The following MYO18B variants were observed in gnomAD, a reference collection of about 807,000 sequenced individuals.
MYO18B encodes the protein myosin XVIIIB.
A neutral mutation model predicts 273.0 loss-of-function variants in MYO18B; 204 were observed. The ratio of observed to expected loss-of-function variants is 0.75; its 90% CI spans 0.67 to 0.84. The LOEUF is 0.84. MYO18B is among the 40% of genes least tolerant of loss of function. The probability of loss-of-function intolerance (pLI) is 0.00; values close to 1 mark genes in which losing one functional copy is unlikely to be tolerated. For missense variants in MYO18B, 3,212 were observed against 3,287.6 expected (o/e 0.98, Z 0.56); for synonymous variants, 1,330 against 1,305.7 (o/e 1.02, Z -0.40).
intron 25 of MYO18B, among the ~76,000 whole-genome samples, chr22:25,890,042 T>C (rs1339804937): frequency 6.6e-6 from 1 of 152,246 alleles, no homozygotes; most frequent in Non-Finnish European, 1.5e-5. Flanking sequence ...AACACCTATT[T>C]GGCAGCATTT....
chr22:25,855,526 C>T (rs375734455), intron 21 of MYO18B, among the ~76,000 whole-genome samples: 3 of 152,152 alleles, frequency 2.0e-5, no homozygotes, highest in Admixed American at 2.0e-4. Flanking sequence ...GTGATCCGCC[C>T]ACCTCGGCCT....
chr22:25,776,720 C>T (rs2086928934), intron 7 of MYO18B, among the ~76,000 whole-genome samples: 1 of 152,112 alleles, frequency 6.6e-6, no homozygotes, highest in Non-Finnish European at 1.5e-5. Flanking sequence ...GTCAATATAA[C>T]CAATGACATA....
At chr22:25,912,620 A>G (rs1334694619) in intron 33 of MYO18B, among the ~76,000 whole-genome samples, 1 of 152,226 alleles carries the variant, frequency 6.6e-6, no homozygotes, top group Non-Finnish European at 1.5e-5. Flanking sequence ...AGAACAAATA[A>G]TGTAATCGGT....
chr22:26,050,344 G>A, the MYO18B span, among the ~76,000 whole-genome samples: 4 of 152,220 alleles, frequency 2.6e-5, no homozygotes, highest in African/African-American at 9.6e-5. Flanking sequence ...GGACAAGGTA[G>A]TTTCCTTGGG....
At chr22:26,051,378 C>T in the MYO18B span, among the ~76,000 whole-genome samples, 1 of 151,990 alleles carries the variant, frequency 6.6e-6, no homozygotes. Flanking sequence ...CGCCCACCAC[C>T]GCGCCCGGCT....
intron 39 of MYO18B, among the ~76,000 whole-genome samples, chr22:25,990,611 C>T (rs12172625): frequency 0.17 from 23,670 of 140,100 alleles, 2,038 homozygotes; most frequent in Middle Eastern, 0.2. Flanking sequence ...TGCTTGGACC[C>T]GGGAGGTGGA....
intron 22 of MYO18B, among the ~76,000 whole-genome samples, chr22:25,873,787 G>A (rs2091113886): frequency 6.6e-6 from 1 of 152,182 alleles, no homozygotes; most frequent in Non-Finnish European, 1.5e-5. Flanking sequence ...TGCTGTGGGT[G>A]CTTACCCAAA....
At chr22:26,012,242 A>T (rs1056326198) in intron 42 of MYO18B, among the ~76,000 whole-genome samples, 1 of 152,274 alleles carries the variant, frequency 6.6e-6, no homozygotes, top group Non-Finnish European at 1.5e-5. Flanking sequence ...TTCATTAATT[A>T]TGGATATGTG....
chr22:25,895,484 T>C (rs1352643561), intron 28 of MYO18B: 2 of 564,154 alleles, frequency 3.5e-6, no homozygotes, highest in Non-Finnish European at 6.1e-6. Context: ...GTGGATCTTC[T>C]ATCCAGAGAC....
chr22:25,772,366 C>T lies in MYO18B; in HGVS notation c.1725C>T (p.Asp575=), dbSNP rs185388626. ...CTCCTGAGCTGGACCAGGTCGAGGA[C>T]CTGGCCTCTCTCATCAGTGTCAACG... ...ANPPELDQVE[D]LASLISVNES... Residue 575 remains aspartate (D), a synonymous_variant, in exon 7 of 44, where the codon GAC becomes GAT. Transcript: ENST00000335473. 1,251 of 1,613,922 alleles carry T rather than the reference C, an allele frequency of 7.8e-4. 2 individuals carry two copies. In the African/African-American group the frequency reaches 0.015, roughly 19 times the overall value.
At chr22:25,803,198 C>T (rs1048519738) in intron 12 of MYO18B, among the ~76,000 whole-genome samples, 7 of 149,942 alleles carry the variant, frequency 4.7e-5, no homozygotes, top group South Asian at 2.2e-4. Flanking sequence ...CTCCTGACCT[C>T]GTGATCCGCC....
chr22:25,818,118 C>G (rs1016106120), intron 12 of MYO18B, among the ~76,000 whole-genome samples: 1 of 152,218 alleles, frequency 6.6e-6, no homozygotes, highest in African/African-American at 2.4e-5. Context: ...CTCCTTGCCT[C>G]CTGGTGGGTG....
intron 29 of MYO18B, 140 bp from the exon 30 acceptor site, chr22:25,902,469 CTCTA>C: frequency 1.1e-6 from 1 of 920,236 alleles, no homozygotes; most frequent in Non-Finnish European, 1.6e-6. Flanking sequence ...CTCATACTTT[CTCTA>C]TCTCTCTTCT....
intron 20 of MYO18B, among the ~76,000 whole-genome samples, chr22:25,850,957 T>C (rs2090408928): frequency 6.6e-6 from 1 of 152,224 alleles, no homozygotes. Context: ...CATAGAAGGA[T>C]GCAGTTGCGT....
intron 16 of MYO18B, among the ~76,000 whole-genome samples, 198 bp from the exon 17 acceptor site, chr22:25,835,098 C>T (rs1227754789): frequency 6.6e-6 from 1 of 152,202 alleles, no homozygotes; most frequent in Non-Finnish European, 1.5e-5. Context: ...AGGATTCAGA[C>T]AGTTTGCAAA....
intron 25 of MYO18B, among the ~76,000 whole-genome samples, chr22:25,888,977 G>GT (rs2091580300): frequency 6.6e-6 from 1 of 151,868 alleles, no homozygotes; most frequent in Non-Finnish European, 1.5e-5. Flanking sequence ...TACAAAATCA[G>GT]TTAAAAAATC....
intron 39 of MYO18B, among the ~76,000 whole-genome samples, chr22:25,979,706 A>G (rs2093129895): frequency 1.3e-5 from 2 of 152,050 alleles, no homozygotes; most frequent in South Asian, 4.2e-4. Context: ...AACTTTAGAG[A>G]GATTTCTTTT....
At position 25,898,918 on chromosome 22, in the gene MYO18B, G is replaced by A. The variant is rs544419847; in HGVS notation, c.4823+457G>A. 8.0e-5 allele frequency: 13 copies of A among 162,924 alleles called. No homozygotes were observed. In the South Asian group the frequency reaches 1.5e-3, roughly 19 times the overall value. 10.1% of individuals were successfully genotyped at this position (162,924 alleles called of 1,614,324 possible). A position where few individuals can be genotyped will look rare whatever the true frequency, so the allele number is the denominator to read the frequency against. On this transcript the variant is annotated intron_variant, in intron 29 of 43. Transcript: ENST00000335473. ...TTATCCGTAGGTTGGTGATAAGATCGCCCCCTTGTGCTGAGGACTAAATGA... is the reference window on the plus strand; with the variant it reads ...TTATCCGTAGGTTGGTGATAAGATCACCCCCTTGTGCTGAGGACTAAATGA...
rs150867044 is a variant in MYO18B at position 25,961,936 on chromosome 22, T to C, written c.6156+6572T>C. ...TCCACTTCCTCCTCTCTGTCTTGCTTCTGCTCTTGCCGTATGATCTCTGCA... is the reference window on the plus strand; with the variant it reads ...TCCACTTCCTCCTCTCTGTCTTGCTCCTGCTCTTGCCGTATGATCTCTGCA... On this transcript the variant is annotated intron_variant, in intron 39 of 43. Coordinates refer to ENST00000335473, the MANE Select transcript of MYO18B (RefSeq NM_032608.7). Among the ~76,000 whole-genome samples the C allele has an allele frequency of 4.7e-3, 718 of 152,344 alleles. 8 individuals are homozygous for C. The highest frequency in any genetic ancestry group is 0.021 in the South Asian group (101 of 4,832).
Sources: gnomAD v4.1 joint callset for allele counts (sites outside exome capture counted in the v4.1 genomes callset) on GRCh38, gnomAD v4.1.1 for gene constraint, MANE v1.5 for transcripts, NCBI Gene and HGNC (gene_info 2026-07-23, HGNC 2026-07-21) for gene names.